The following NAV3 variants were observed in gnomAD, a reference collection of about 807,000 sequenced individuals.
The protein encoded by NAV3 is neuron navigator 3, also known as pore membrane and/or filament interacting like protein 1.
NAV3 carries 87 observed loss-of-function variants against 244.7 expected under a neutral mutation model. The ratio of observed to expected loss-of-function variants is 0.36; its 90% CI spans 0.30 to 0.42. The LOEUF (loss-of-function observed/expected upper bound fraction) is 0.42, where lower values mean the gene tolerates loss of function less well. Ranked by LOEUF, NAV3 falls within the 20% of genes least tolerant of loss-of-function variation. The pLI is 1.00. For synonymous variants in NAV3, 1,126 were observed against 1,042.2 expected, an observed-to-expected ratio of 1.08 and a Z score of -1.55; for missense variants, 2,663 against 2,893.3, an observed-to-expected ratio of 0.92 and a Z score of 1.83.
chr12:78,188,631 C>T lies in NAV3; in HGVS notation c.5909C>T (p.Thr1970Ile), dbSNP rs775841558. 6.2e-7 allele frequency: 1 copy of T among 1,611,028 alleles called. No homozygotes were observed. The highest frequency in any genetic ancestry group is 1.1e-5 in the South Asian group (1 of 90,840). ...LFKEYVFRID[T>I]STSLGLSSDC... Reference sequence around the variant, plus strand: ...TAGGAATATGTATTCCGAATTGATACATCCACTAGCCTTGGTCTGAGCTCT... The same window carrying T: ...TAGGAATATGTATTCCGAATTGATATATCCACTAGCCTTGGTCTGAGCTCT... The change falls in exon 33 of 40, where the codon ACA becomes ATA. Residue 1970 changes from threonine to isoleucine, a missense_variant. By Grantham distance (89) the Thr-to-Ile change is moderately conservative. Coordinates refer to ENST00000397909, the MANE Select transcript of NAV3 (RefSeq NM_001024383.2).
intron 11 of NAV3, among the ~76,000 whole-genome samples, chr12:78,058,605 A>T (rs1883864450): frequency 6.6e-6 from 1 of 152,170 alleles, no homozygotes; most frequent in South Asian, 2.1e-4. Flanking sequence ...TTAGGTTTTG[A>T]TCCATTACTC....
Position 78,007,207 on chromosome 12 carries a change from A to G in NAV3, c.1669A>G (p.Thr557Ala). The part of the protein sequence containing the change: ...ASKESEKFRT[T>A]KGSPSQSLSK... Reference sequence around the variant, plus strand: ...CAAAGAGTCTGAGAAATTCAGGACTACCAAGGGGAGCCCTTCCCAGTCCTT... The same window carrying G: ...CAAAGAGTCTGAGAAATTCAGGACTGCCAAGGGGAGCCCTTCCCAGTCCTT... The change falls in exon 8 of 40, where the codon ACC (threonine) becomes GCC (alanine). Residue 557 changes from threonine to alanine, a missense_variant. Coordinates refer to ENST00000397909, the MANE Select transcript of NAV3 (RefSeq NM_001024383.2). 1.9e-6 allele frequency: 3 copies of G among 1,614,230 alleles called. No individual in the cohort carries two copies. The highest frequency in any genetic ancestry group is 2.5e-6 in the Non-Finnish European group (3 of 1,180,028).
At chr12:77,648,113 A>G (rs1409675468) in intron 2 of NAV3, among the ~76,000 whole-genome samples, 2 of 152,144 alleles carry the variant, frequency 1.3e-5, no homozygotes, top group Non-Finnish European at 2.9e-5. Flanking sequence ...TTGGAAAGTC[A>G]TGCAAAATAA....
intron 1 of NAV3, among the ~76,000 whole-genome samples, chr12:77,904,959 A>T (rs981804491): frequency 6.6e-6 from 1 of 152,114 alleles, no homozygotes; most frequent in African/African-American, 2.4e-5. Flanking sequence ...TATTTAAAAA[A>T]AAAAAGTAAG....
chr12:78,200,140 A>T (rs1302807698), intron 37 of NAV3, among the ~76,000 whole-genome samples: 1 of 152,102 alleles, frequency 6.6e-6, no homozygotes, highest in Non-Finnish European at 1.5e-5. Context: ...CCAGGTCCCA[A>T]TTCTGCAAAT....
chr12:77,634,116 C>A (rs1262844596), intron 2 of NAV3, among the ~76,000 whole-genome samples: 1 of 63,736 alleles, frequency 1.6e-5, no homozygotes, highest in East Asian at 4.7e-4. Context: ...ACCACCTTGG[C>A]AAATCTCCCA....
At chr12:78,026,481 C>T (rs1878077613) in intron 9 of NAV3, among the ~76,000 whole-genome samples, 1 of 152,078 alleles carries the variant, frequency 6.6e-6, no homozygotes, top group African/African-American at 2.4e-5. Context: ...ACCTGATGTC[C>T]TGATATTCTA....
intron 16 of NAV3, among the ~76,000 whole-genome samples, chr12:78,122,809 T>C (rs1032588240): frequency 6.6e-6 from 1 of 152,134 alleles, no homozygotes; most frequent in African/African-American, 2.4e-5. Context: ...ATTGAAATTA[T>C]TCTATAGTTA....
intron 2 of NAV3, among the ~76,000 whole-genome samples, chr12:77,793,836 C>T (rs1333723132): frequency 1.3e-5 from 2 of 152,160 alleles, no homozygotes; most frequent in African/African-American, 2.4e-5. Flanking sequence ...TAGGTATATA[C>T]CCAGTAATGG....
At chr12:77,610,995 GAA>G (rs36066459) in intron 2 of NAV3, among the ~76,000 whole-genome samples, 35 of 130,122 alleles carry the variant, frequency 2.7e-4, no homozygotes, top group Non-Finnish European at 4.3e-4. Flanking sequence ...ACCTCCATTA[GAA>G]AAAAAAAAAA....
chr12:78,186,671 GC>G (rs5799378), intron 31 of NAV3, among the ~76,000 whole-genome samples: 58,587 of 151,392 alleles, frequency 0.39, 12,192 homozygotes, highest in Non-Finnish European at 0.48. Flanking sequence ...AACAGACAAT[GC>G]CTTTGAACAC....
chr12:77,591,797 GTATC>G (rs1205838728), intron 2 of NAV3, among the ~76,000 whole-genome samples: 1 of 152,082 alleles, frequency 6.6e-6, no homozygotes, highest in African/African-American at 2.4e-5. Flanking sequence ...ATATGTATGT[GTATC>G]TATCTATATC....
chr12:77,728,404 G>T (rs1253425392), intron 2 of NAV3, among the ~76,000 whole-genome samples: 2 of 151,912 alleles, frequency 1.3e-5, no homozygotes, highest in Non-Finnish European at 2.9e-5. Flanking sequence ...GAGACAGAAA[G>T]AATAATTGGA....
At chr12:77,691,090 A>G (rs1874989757) in intron 2 of NAV3, among the ~76,000 whole-genome samples, 1 of 150,434 alleles carries the variant, frequency 6.6e-6, no homozygotes, top group Admixed American at 6.6e-5. Flanking sequence ...CACTGTATGG[A>G]AGGTTGAATA....
chr12:77,968,776 C>T, intron 5 of NAV3, 74 bp downstream of exon 5: 2 of 1,427,670 alleles, frequency 1.4e-6, no homozygotes, highest in South Asian at 1.3e-5. Context: ...AAATTATTGT[C>T]CATGAGTTTG....
chr12:77,690,273 C>G (rs572122800), intron 2 of NAV3, among the ~76,000 whole-genome samples: 1 of 151,828 alleles, frequency 6.6e-6, no homozygotes, highest in South Asian at 2.1e-4. Context: ...GCATGATACA[C>G]CAGGGAAGTC....
intron 16 of NAV3, among the ~76,000 whole-genome samples, chr12:78,124,486 C>G (rs531872775): frequency 1.3e-5 from 2 of 152,136 alleles, no homozygotes; most frequent in South Asian, 4.1e-4. Flanking sequence ...TGGAGCCTCA[C>G]TCTGTCGCCC....
intron 5 of NAV3, among the ~76,000 whole-genome samples, chr12:77,983,879 C>A (rs1222422534): frequency 6.6e-6 from 1 of 152,086 alleles, no homozygotes; most frequent in Non-Finnish European, 1.5e-5. Context: ...TCAAATTATT[C>A]CTGGAATCTA....
At chr12:77,698,472 T>C (rs999310424) in intron 2 of NAV3, among the ~76,000 whole-genome samples, 1 of 152,104 alleles carries the variant, frequency 6.6e-6, no homozygotes, top group Non-Finnish European at 1.5e-5. Flanking sequence ...AAACAAGCTA[T>C]GATTTTGTTG....
Sources: allele counts gnomAD v4.1 joint callset (sites outside exome capture counted in the v4.1 genomes callset), GRCh38; gene constraint gnomAD v4.1.1; transcripts MANE v1.5; gene names NCBI Gene and HGNC (gene_info 2026-07-23, HGNC 2026-07-21).